The following LAMB4 variants were observed in gnomAD, a reference collection of about 807,000 sequenced individuals.
LAMB4 encodes laminin subunit beta-4.
In LAMB4, 196 loss-of-function variants were observed where a neutral mutation model predicts 199.2. The observed-to-expected ratio is 0.98, with a 90% CI of 0.88 to 1.11. LAMB4 has a LOEUF of 1.11. LAMB4 is among the 50% of genes least tolerant of loss of function. LAMB4 has a pLI of 0.00. For synonymous variants in LAMB4, 744 were observed against 770.6 expected, an observed-to-expected ratio of 0.97 and a Z score of 0.57; for missense variants, 2,080 against 2,171.2, an observed-to-expected ratio of 0.96 and a Z score of 0.83.
intron 25 of LAMB4, among the ~76,000 whole-genome samples, chr7:108,055,339 A>G (rs2035946065): frequency 6.6e-6 from 1 of 152,078 alleles, no homozygotes; most frequent in African/African-American, 2.4e-5. Flanking sequence ...GGTACCTGCC[A>G]CCATGCCTGG....
chr7:108,106,613 A>G lies in LAMB4; in HGVS notation c.592-41T>C, dbSNP rs754244106. 4.4e-6 allele frequency: 5 copies of G among 1,137,918 alleles called. No individual in the cohort carries two copies. In the African/African-American group the frequency reaches 7.9e-5, roughly 18 times the overall value. 70.5% of individuals were successfully genotyped at this position (1,137,918 alleles called of 1,614,324 possible). The stretch of plus-strand genomic sequence containing the variant: ...AGATACATTTATAGTATATTACCTG[A>G]AAACGTAATTGTCAAACACACTCTT... On this transcript the variant is annotated intron_variant, in intron 6 of 33. Transcript: ENST00000388781.
At chr7:108,078,053 C>T (rs557201009) in intron 16 of LAMB4, 148 bp downstream of exon 16, 28 of 609,314 alleles carry the variant, frequency 4.6e-5, no homozygotes, top group Non-Finnish European at 7.9e-5. Flanking sequence ...AAATGTAAAG[C>T]ATAGTGCAGC....
chr7:108,012,305 CA>C, the LAMB4 span, among the ~76,000 whole-genome samples: 7 of 152,048 alleles, frequency 4.6e-5, no homozygotes, highest in South Asian at 8.3e-4. Context: ...GGAGGCATAG[CA>C]AATGATAACA....
At chr7:108,108,966 A>T (rs73197622) in intron 5 of LAMB4, among the ~76,000 whole-genome samples, 29,097 of 152,090 alleles carry the variant, frequency 0.19, 3,650 homozygotes, top group Non-Finnish European at 0.28. Flanking sequence ...CTAATTTTTT[A>T]AAAAAATCAT....
rs758176413 is a variant in LAMB4 at position 108,067,794 on chromosome 7, C to T, written c.2446+222G>A. On this transcript the variant is annotated intron_variant, in intron 19 of 33. Coordinates refer to ENST00000388781, the MANE Select transcript of LAMB4 (RefSeq NM_007356.3). The stretch of plus-strand genomic sequence containing the variant: ...TGGACTATGCCTTGTTCATTACTCT[C>T]GGTTCCTAATGCAGCTCTGCCTACA... Among the ~76,000 whole-genome samples, 9 of 152,186 alleles carry T rather than the reference C, an allele frequency of 5.9e-5. No individual in the cohort carries two copies. In the East Asian group the frequency reaches 9.6e-4, roughly 16 times the overall value.
At chr7:108,068,567 G>A (rs1349406356) in intron 18 of LAMB4, among the ~76,000 whole-genome samples, 1 of 152,156 alleles carries the variant, frequency 6.6e-6, no homozygotes, top group Non-Finnish European at 1.5e-5. Flanking sequence ...AGGCTGGAGT[G>A]GTGTGATCAT....
intron 3 of LAMB4, among the ~76,000 whole-genome samples, chr7:108,114,443 A>ATAAG (rs200973259): frequency 0.011 from 1,696 of 152,182 alleles, 29 homozygotes; most frequent in African/African-American, 0.039. Context: ...TATCTAAAAA[A>ATAAG]TAGAGTTGAG....
intron 23 of LAMB4, among the ~76,000 whole-genome samples, chr7:108,059,133 T>C (rs564030839): frequency 7.7e-6 from 1 of 130,684 alleles, no homozygotes; most frequent in Non-Finnish European, 1.6e-5. Flanking sequence ...TGAGATGGAG[T>C]CTTGCTCAGT....
intron 14 of LAMB4, among the ~76,000 whole-genome samples, chr7:108,084,784 C>CTTTTTT (rs745640979): frequency 4.1e-5 from 4 of 96,522 alleles, no homozygotes; most frequent in African/African-American, 8.1e-5. Context: ...CCAAGGAATC[C>CTTTTTT]TTTTTTTTTT....
At chr7:108,018,331 C>T in the LAMB4 span, among the ~76,000 whole-genome samples, 2 of 152,200 alleles carry the variant, frequency 1.3e-5, no homozygotes, top group Non-Finnish European at 2.9e-5. Flanking sequence ...ATGGGAGCCA[C>T]CAGTAAGAGA....
At chr7:108,029,996 T>C (rs2034974318) in intron 32 of LAMB4, among the ~76,000 whole-genome samples, 2 of 151,864 alleles carry the variant, frequency 1.3e-5, no homozygotes, top group African/African-American at 4.8e-5. Context: ...CACGTGGCTG[T>C]AATCCCAGCT....
rs77980512 is a variant in LAMB4, at chr7:108,057,776, C to A, written c.3379+56G>T. The A allele has an allele frequency of 1.5e-3, 1,688 of 1,128,556 alleles. 18 individuals carry two copies. The African/African-American group carries it at 0.023, about 15-fold the overall frequency. 69.9% of individuals were successfully genotyped at this position (1,128,556 alleles called of 1,614,324 possible). ...AAAATTCAGTTGGTTCATAGCATGT[C>A]CATGGTAGGGCCAGGCTGACTGTAC... On this transcript the variant is annotated intron_variant, in intron 24 of 33. Coordinates refer to ENST00000388781, the MANE Select transcript of LAMB4 (RefSeq NM_007356.3).
intron 14 of LAMB4, among the ~76,000 whole-genome samples, chr7:108,084,519 A>G (rs1048951053): frequency 2.6e-5 from 4 of 152,096 alleles, no homozygotes; most frequent in Non-Finnish European, 5.9e-5. Flanking sequence ...AGCAGAAGAG[A>G]TATGCGCATC....
chr7:108,106,884 A>C (rs927555371), intron 6 of LAMB4, among the ~76,000 whole-genome samples: 9 of 152,192 alleles, frequency 5.9e-5, no homozygotes, highest in African/African-American at 2.2e-4. Context: ...GCACTCTTAC[A>C]GAAGAGACCC....
At chr7:108,064,822 A>G (rs2036279575) in intron 21 of LAMB4, among the ~76,000 whole-genome samples, 1 of 152,186 alleles carries the variant, frequency 6.6e-6, no homozygotes, top group African/African-American at 2.4e-5. Context: ...ATATCATTAA[A>G]TCAAATAGAC....
At position 108,023,916 on chromosome 7, in the gene LAMB4, G is replaced by A. The variant is rs2034745884; in HGVS notation, c.*123C>T. On this transcript the variant is annotated 3_prime_UTR_variant, in exon 34 of 34. Transcript: ENST00000388781. ...GCCACACTGAGCAGGTGTCTAATAA[G>A]GACAGGGTGTGGGGAAGGAAGGTAG... The A allele has an allele frequency of 1.4e-6, 1 of 732,984 alleles. No homozygotes were observed. The highest frequency in any genetic ancestry group is 2.1e-6 in the Non-Finnish European group (1 of 484,226). The allele number at this position is 732,984 out of a possible 1,614,324, so 45.4% of individuals were successfully genotyped here.
rs940136964 is a variant in LAMB4, at chr7:108,043,753, T to C, written c.4470A>G (p.Leu1490=). Residue 1490 remains leucine (L), a splice_region_variant and synonymous_variant, in exon 29 of 34, where the codon TTA becomes TTG. Transcript: ENST00000388781. ...LFIKKVKNFL[L]EENVPPEDIE... Reference sequence around the variant, plus strand: ...TCCTAATATATATTTTTAAATTACCTAACAAAAAGTTTTTCACTTTTTTGA... The same window carrying C: ...TCCTAATATATATTTTTAAATTACCCAACAAAAAGTTTTTCACTTTTTTGA... The C allele has an allele frequency of 9.6e-6, 15 of 1,558,440 alleles. No individual in the cohort carries two copies. In the South Asian group the frequency reaches 1.7e-4, roughly 18 times the overall value.
intron 17 of LAMB4, among the ~76,000 whole-genome samples, chr7:108,076,211 G>A (rs1485854850): frequency 6.6e-6 from 1 of 152,086 alleles, no homozygotes; most frequent in African/African-American, 2.4e-5. Flanking sequence ...ACCAGGAGTA[G>A]GGAAAATAGA....
At chr7:108,016,027 G>A in the LAMB4 span, among the ~76,000 whole-genome samples, 1 of 152,028 alleles carries the variant, frequency 6.6e-6, no homozygotes, top group South Asian at 2.1e-4. Flanking sequence ...AAAGAAATCA[G>A]TTATTCATTT....
Sources: gnomAD v4.1 joint callset for allele counts (sites outside exome capture counted in the v4.1 genomes callset) on GRCh38, gnomAD v4.1.1 for gene constraint, MANE v1.5 for transcripts, NCBI Gene and HGNC (gene_info 2026-07-23, HGNC 2026-07-21) for gene names.